Variants in SLIT3 observed in about 807,000 individuals in gnomAD.
SLIT3 encodes slit guidance ligand 3.
SLIT3 carries 68 observed loss-of-function variants against 184.0 expected under a neutral mutation model. The observed-to-expected ratio is 0.37, with a 90% CI of 0.30 to 0.45. The LOEUF (loss-of-function observed/expected upper bound fraction) is 0.45. Ranked by LOEUF, SLIT3 falls within the 20% of genes least tolerant of loss-of-function variation. The pLI is 1.00. For synonymous variants in SLIT3, 831 were observed against 828.6 expected (o/e 1.00, Z -0.05); for missense variants, 1,707 against 2,026.0 (o/e 0.84, Z 3.02).
intron 6 of SLIT3, among the ~76,000 whole-genome samples, chr5:168,830,496 A>G (rs1757845993): frequency 1.3e-5 from 2 of 152,192 alleles, no homozygotes; most frequent in Non-Finnish European, 2.9e-5. Flanking sequence ...ACTTTCCTCT[A>G]ATGAGCTAGA....
intron 4 of SLIT3, among the ~76,000 whole-genome samples, chr5:168,934,673 T>G (rs1762096874): frequency 1.3e-5 from 2 of 150,976 alleles, no homozygotes; most frequent in African/African-American, 2.4e-5. Flanking sequence ...TGGGGAGGAG[T>G]GTTGTAGGAA....
At chr5:169,296,402 T>C (rs10516062) in intron 1 of SLIT3, among the ~76,000 whole-genome samples, 9,514 of 152,236 alleles carry the variant, frequency 0.062, 476 homozygotes, top group Admixed American at 0.17. Context: ...TGTAATCCGT[T>C]CAGAGTTGCA....
chr5:169,052,278 C>T (rs185919182), intron 4 of SLIT3, among the ~76,000 whole-genome samples: 2 of 152,130 alleles, frequency 1.3e-5, no homozygotes, highest in Admixed American at 6.5e-5. Context: ...GCCAGATGTT[C>T]TCACAAAACA....
chr5:168,841,154 T>G (rs1561961751), intron 6 of SLIT3, among the ~76,000 whole-genome samples: 1 of 152,224 alleles, frequency 6.6e-6, no homozygotes, highest in Non-Finnish European at 1.5e-5. Context: ...ATGGCAGCCT[T>G]GGCAACATGC....
At chr5:168,988,658 G>A (rs944562763) in intron 4 of SLIT3, among the ~76,000 whole-genome samples, 2 of 152,182 alleles carry the variant, frequency 1.3e-5, no homozygotes, top group African/African-American at 4.8e-5. Context: ...ACTTAGGGAT[G>A]CAATTAACAT....
intron 4 of SLIT3, among the ~76,000 whole-genome samples, chr5:168,924,835 T>G (rs1761762019): frequency 6.6e-6 from 1 of 152,144 alleles, no homozygotes; most frequent in African/African-American, 2.4e-5. Context: ...TGAGCCTTGT[T>G]TCTAATTGGC....
chr5:168,785,797 C>T lies in SLIT3; in HGVS notation c.1151+110G>A, dbSNP rs1408631871. On this transcript the variant is annotated intron_variant, in intron 12 of 35. Coordinates refer to ENST00000519560, the MANE Select transcript of SLIT3 (RefSeq NM_003062.4). The stretch of plus-strand genomic sequence containing the variant: ...GTGGACAGCTCAAACATTTTTTTCT[C>T]TTTTGTCTGCAGAAAGTCAAAAGAA... The T allele has an allele frequency of 4.1e-5, 32 of 784,824 alleles. No individual in the cohort carries two copies. In the Admixed American group the frequency reaches 7.2e-4, roughly 18 times the overall value. 48.6% of individuals were successfully genotyped at this position (784,824 alleles called of 1,614,324 possible).
intron 35 of SLIT3, among the ~76,000 whole-genome samples, chr5:168,669,048 TACATCTCA>T (rs1761147813): frequency 6.6e-6 from 1 of 152,220 alleles, no homozygotes; most frequent in Non-Finnish European, 1.5e-5. Context: ...CTTCTGACTT[TACATCTCA>T]ACATCTCACG....
intron 5 of SLIT3, among the ~76,000 whole-genome samples, chr5:168,855,708 A>G (rs1303619508): frequency 6.6e-6 from 1 of 152,222 alleles, no homozygotes; most frequent in Non-Finnish European, 1.5e-5. Flanking sequence ...AGCAATTGCC[A>G]GAGGCTGGGG....
At chr5:168,777,019 G>A (rs551644634) in intron 12 of SLIT3, among the ~76,000 whole-genome samples, 34 of 151,708 alleles carry the variant, frequency 2.2e-4, no homozygotes, top group African/African-American at 7.5e-4. Flanking sequence ...ACATATATGT[G>A]TTTTTTCAAT....
At chr5:168,893,817 C>T (rs1305104544) in intron 4 of SLIT3, among the ~76,000 whole-genome samples, 28 of 152,130 alleles carry the variant, frequency 1.8e-4, no homozygotes, top group Admixed American at 1.6e-3. Context: ...ACCTGGGCCC[C>T]CTCATTTGCC....
chr5:168,882,621 A>G (rs2938774), intron 5 of SLIT3, among the ~76,000 whole-genome samples: 63,593 of 152,012 alleles, frequency 0.42, 13,557 homozygotes, highest in Admixed American at 0.5. Context: ...CGGTTATGTC[A>G]GATGCTACCA....
chr5:168,874,889 T>C (rs1447600979), intron 5 of SLIT3, among the ~76,000 whole-genome samples: 1 of 152,228 alleles, frequency 6.6e-6, no homozygotes, highest in Non-Finnish European at 1.5e-5. Context: ...GGCGTGCTTA[T>C]CCTGTGATAT....
At chr5:168,707,930 G>C in intron 26 of SLIT3, 46 bp downstream of exon 26, 1 of 1,611,858 alleles carries the variant, frequency 6.2e-7, no homozygotes, top group Non-Finnish European at 8.5e-7. Flanking sequence ...AGGGCTGAAG[G>C]AGGAGCCTGA....
chr5:168,927,622 T>C (rs1761871711), intron 4 of SLIT3, among the ~76,000 whole-genome samples: 1 of 152,224 alleles, frequency 6.6e-6, no homozygotes. Context: ...CTTCACCCAC[T>C]GCTTCTTCCT....
intron 4 of SLIT3, among the ~76,000 whole-genome samples, chr5:169,130,136 C>T (rs572219149): frequency 5.9e-5 from 9 of 152,242 alleles, no homozygotes; most frequent in East Asian, 1.9e-4. Flanking sequence ...CATGAGCCAC[C>T]GTGCCCAGCC....
At chr5:169,146,677 C>T (rs922662093) in intron 4 of SLIT3, among the ~76,000 whole-genome samples, 1 of 152,184 alleles carries the variant, frequency 6.6e-6, no homozygotes, top group Non-Finnish European at 1.5e-5. Context: ...CCAAGTCACA[C>T]CCCCAGTTGA....
chr5:169,081,574 C>G (rs1440435416), intron 4 of SLIT3, among the ~76,000 whole-genome samples: 1 of 152,058 alleles, frequency 6.6e-6, no homozygotes, highest in African/African-American at 2.4e-5. Flanking sequence ...TCCCTCAGGG[C>G]CCCCGAGGAG....
chr5:169,160,069 C>T (rs1282504861), intron 4 of SLIT3, among the ~76,000 whole-genome samples: 1 of 152,166 alleles, frequency 6.6e-6, no homozygotes, highest in Non-Finnish European at 1.5e-5. Context: ...ATTGTAGATT[C>T]ATAAAGAAAA....
Sources: gnomAD v4.1 joint callset for allele counts (sites outside exome capture counted in the v4.1 genomes callset) on GRCh38, gnomAD v4.1.1 for gene constraint, MANE v1.5 for transcripts, NCBI Gene and HGNC (gene_info 2026-07-23, HGNC 2026-07-21) for gene names.